Variants in BRAF observed in about 807,000 individuals in gnomAD.
The protein encoded by BRAF is B-Raf proto-oncogene, serine/threonine kinase.
In BRAF, 16 loss-of-function variants were observed where a neutral mutation model predicts 104.6. The ratio of observed to expected loss-of-function variants is 0.15; its 90% CI spans 0.10 to 0.23. BRAF has a LOEUF of 0.23. Among genes scored for constraint, BRAF ranks in the 10% least tolerant of loss-of-function variants. BRAF has a pLI of 1.00. For synonymous variants in BRAF, 310 were observed against 341.6 expected (o/e 0.91, Z 1.02); for missense variants, 541 against 937.3 (o/e 0.58, Z 5.52).
chr7:140,738,486 A>G (rs1796627246), intron 18 of BRAF, among the ~76,000 whole-genome samples: 1 of 152,178 alleles, frequency 6.6e-6, no homozygotes, highest in Admixed American at 6.5e-5. Flanking sequence ...TCCCACTTGA[A>G]ACTGTACTGA....
chr7:140,821,941 T>A (rs1174963473), intron 3 of BRAF, among the ~76,000 whole-genome samples: 1 of 152,102 alleles, frequency 6.6e-6, no homozygotes, highest in Non-Finnish European at 1.5e-5. Flanking sequence ...AAATATCAAA[T>A]GTTCTCATTT....
intron 2 of BRAF, among the ~76,000 whole-genome samples, chr7:140,844,388 T>C (rs1438162866): frequency 6.6e-6 from 1 of 152,230 alleles, no homozygotes; most frequent in Non-Finnish European, 1.5e-5. Context: ...TGATGCTAAT[T>C]ATAGTTATTT....
intron 14 of BRAF, among the ~76,000 whole-genome samples, chr7:140,767,925 A>G (rs1401385681): frequency 2.6e-5 from 4 of 152,236 alleles, no homozygotes; most frequent in African/African-American, 9.6e-5. Flanking sequence ...ATTGCTAAAT[A>G]CATTACAGTA....
At chr7:140,837,976 A>G (rs565711831) in intron 2 of BRAF, among the ~76,000 whole-genome samples, 26 of 152,010 alleles carry the variant, frequency 1.7e-4, no homozygotes, top group Non-Finnish European at 3.4e-4. Flanking sequence ...GTTTTCTCTC[A>G]TATCATCTAC....
chr7:140,924,444 G>T lies in BRAF; in HGVS notation c.138+122C>A. ...GGGCGATGCCCACCTCCCAGCCCGC[G>T]GAGCTGGCCCGAGAAGGTGGCTGAG... On this transcript the variant is annotated intron_variant, in intron 1 of 19. Coordinates refer to ENST00000644969, the MANE Select transcript of BRAF (RefSeq NM_001374258.1). The surrounding 1 kb of genome is among the most constrained non-coding windows in gnomAD (Gnocchi z 4.2). 7.1e-7 allele frequency: 1 copy of T among 1,417,804 alleles called. No homozygotes were observed. The highest frequency in any genetic ancestry group is 9.5e-7 in the Non-Finnish European group (1 of 1,047,784). 87.8% of individuals were successfully genotyped at this position (1,417,804 alleles called of 1,614,324 possible).
intron 3 of BRAF, among the ~76,000 whole-genome samples, chr7:140,826,080 C>T (rs1312644063): frequency 6.6e-6 from 1 of 151,950 alleles, no homozygotes; most frequent in Non-Finnish European, 1.5e-5. Context: ...AACTCTCTTT[C>T]TTCACTTTCC....
chr7:140,902,259 C>T (rs79575342), intron 1 of BRAF, among the ~76,000 whole-genome samples: 2,301 of 152,244 alleles, frequency 0.015, 52 homozygotes, highest in African/African-American at 0.053. Context: ...CTATGATCTT[C>T]GATGTTACTA....
intron 1 of BRAF, among the ~76,000 whole-genome samples, chr7:140,872,097 C>T (rs1020570668): frequency 2.0e-5 from 3 of 152,080 alleles, no homozygotes; most frequent in African/African-American, 7.2e-5. Context: ...TGCCTGCAGT[C>T]CCAGCTACTT....
intron 1 of BRAF, among the ~76,000 whole-genome samples, chr7:140,916,380 C>T (rs112385930): frequency 3.3e-5 from 5 of 152,136 alleles, no homozygotes; most frequent in African/African-American, 1.2e-4. Context: ...TTTAATGATG[C>T]CCCTAAGATT....
intron 1 of BRAF, among the ~76,000 whole-genome samples, chr7:140,852,077 A>C (rs1409491748): frequency 6.6e-6 from 1 of 152,200 alleles, no homozygotes; most frequent in Non-Finnish European, 1.5e-5. Flanking sequence ...CTGTGAGAAC[A>C]GCAGAAGCTG....
At chr7:140,901,962 A>T (rs1212867192) in intron 1 of BRAF, among the ~76,000 whole-genome samples, 1 of 152,244 alleles carries the variant, frequency 6.6e-6, no homozygotes, top group East Asian at 1.9e-4. Flanking sequence ...CAAAGGTGCT[A>T]AATATTTATT....
At chr7:140,896,744 T>C (rs1042993488) in intron 1 of BRAF, among the ~76,000 whole-genome samples, 2 of 151,600 alleles carry the variant, frequency 1.3e-5, no homozygotes, top group Non-Finnish European at 2.9e-5. Flanking sequence ...TGTGCACCTA[T>C]AGTCCCAGCT....
downstream of BRAF, among the ~76,000 whole-genome samples, chr7:140,718,051 G>C (rs1207846699): frequency 1.3e-5 from 2 of 152,140 alleles, no homozygotes; most frequent in Admixed American, 1.3e-4. Context: ...GCCCTTTTTA[G>C]GCTTTTCTGT....
intron 2 of BRAF, among the ~76,000 whole-genome samples, chr7:140,836,489 G>T (rs540946074): frequency 2.0e-5 from 3 of 150,058 alleles, no homozygotes; most frequent in Non-Finnish European, 4.4e-5. Context: ...AACAAATAAG[G>T]GGGGCGGGGA....
chr7:140,751,160 C>T (rs1033877347), intron 16 of BRAF, among the ~76,000 whole-genome samples: 1 of 152,142 alleles, frequency 6.6e-6, no homozygotes, highest in Admixed American at 6.5e-5. Context: ...AACCCATTTA[C>T]ACAGGTATCA....
chr7:140,820,901 C>T (rs1433336730), intron 3 of BRAF, among the ~76,000 whole-genome samples: 1 of 152,140 alleles, frequency 6.6e-6, no homozygotes, highest in Non-Finnish European at 1.5e-5. Flanking sequence ...CCACTGCACT[C>T]CATTCTGGGC....
At chr7:140,743,245 A>G (rs1221875188) in intron 17 of BRAF, among the ~76,000 whole-genome samples, 1 of 151,456 alleles carries the variant, frequency 6.6e-6, no homozygotes, top group Non-Finnish European at 1.5e-5. Context: ...AGGACTATAA[A>G]TCATGCTGCT....
chr7:140,789,266 A>G (rs934217250), intron 8 of BRAF, among the ~76,000 whole-genome samples: 4 of 152,148 alleles, frequency 2.6e-5, no homozygotes, highest in African/African-American at 9.7e-5. Flanking sequence ...CAACGATGGT[A>G]GTGGGGACAG....
rs1241115062 is a variant in BRAF, at chr7:140,720,971, C to T, written c.*5523G>A. ...CGGTCACGGTGCTGGAGAATGAACT[C>T]GGCTGGCCGGGAGAAGCAGATGGTT... On this transcript the variant is annotated 3_prime_UTR_variant, in exon 20 of 20. Transcript: ENST00000644969. 48 of 1,064,612 alleles carry T rather than the reference C, an allele frequency of 4.5e-5. No homozygotes were observed. Among genetic ancestry groups the T allele is most frequent in the South Asian group, 9.1e-5 (2 of 21,982 alleles). 65.9% of individuals were successfully genotyped at this position (1,064,612 alleles called of 1,614,324 possible). A position where few individuals can be genotyped will look rare whatever the true frequency, so the allele number is the denominator to read the frequency against.
Sources: allele counts gnomAD v4.1 joint callset (sites outside exome capture counted in the v4.1 genomes callset), GRCh38; gene constraint gnomAD v4.1.1; non-coding constraint Gnocchi (gnomAD v3.1); transcripts MANE v1.5; gene names NCBI Gene and HGNC (gene_info 2026-07-23, HGNC 2026-07-21).